The following USP34 variants were observed in gnomAD, a reference collection of about 807,000 sequenced individuals.
USP34 encodes the protein ubiquitin carboxyl-terminal hydrolase 34.
In USP34, 70 loss-of-function variants were observed where a neutral mutation model predicts 460.3. That is an observed-to-expected ratio of 0.15 (90% CI 0.13 to 0.19). The LOEUF (loss-of-function observed/expected upper bound fraction) is 0.19. USP34 is among the 10% of genes least tolerant of loss of function. USP34 has a pLI of 1.00. For synonymous variants in USP34, 1,647 were observed against 1,405.3 expected, an observed-to-expected ratio of 1.17 and a Z score of -3.85; for missense variants, 3,985 against 4,236.2, an observed-to-expected ratio of 0.94 and a Z score of 1.65.
chr2:61,210,864 TCA>T (rs1380056148), intron 69 of USP34, among the ~76,000 whole-genome samples: 30 of 152,100 alleles, frequency 2.0e-4, no homozygotes, highest in South Asian at 8.3e-4. Flanking sequence ...GTGCATGCCG[TCA>T]CACCCTAATT....
intron 3 of USP34, among the ~76,000 whole-genome samples, chr2:61,397,243 G>C (rs535738829): frequency 4.0e-5 from 6 of 150,012 alleles, no homozygotes; most frequent in Admixed American, 1.3e-4. Context: ...AAGAGTTCTA[G>C]ACCAGTCTGG....
At chr2:61,382,230 C>T (rs558152753) in intron 6 of USP34, among the ~76,000 whole-genome samples, 1 of 152,208 alleles carries the variant, frequency 6.6e-6, no homozygotes, top group Admixed American at 6.5e-5. Context: ...TGCTAAAAAC[C>T]CTTCAATAGA....
At chr2:61,281,380 G>A in intron 37 of USP34, 138 bp from the exon 38 acceptor site, 4 of 1,110,834 alleles carry the variant, frequency 3.6e-6, no homozygotes, top group Middle Eastern at 2.8e-4. Context: ...TGGAGGCCCA[G>A]GCAGGAGGAT....
chr2:61,268,024 G>A (rs1487492809), intron 41 of USP34, among the ~76,000 whole-genome samples: 2 of 152,112 alleles, frequency 1.3e-5, no homozygotes, highest in Non-Finnish European at 1.5e-5. Context: ...AAAGTGCTGG[G>A]ATTACAGATG....
intron 78 of USP34, 133 bp downstream of exon 78, chr2:61,190,138 G>A: frequency 7.7e-7 from 1 of 1,292,832 alleles, no homozygotes; most frequent in Non-Finnish European, 1.0e-6. Flanking sequence ...TTTAAAACTT[G>A]TTTTTTTGTC....
chr2:61,196,999 GC>G (rs1686829317), intron 75 of USP34, among the ~76,000 whole-genome samples: 2 of 152,314 alleles, frequency 1.3e-5, no homozygotes, highest in African/African-American at 4.8e-5. Flanking sequence ...AATAGGCCAG[GC>G]GTGGTGGCTC....
intron 33 of USP34, among the ~76,000 whole-genome samples, chr2:61,291,856 G>A (rs914239783): frequency 6.6e-6 from 1 of 152,132 alleles, no homozygotes; most frequent in African/African-American, 2.4e-5. Context: ...CTCAATTGGT[G>A]AATGGATAAA....
chr2:61,460,075 T>C (rs916636414), intron 1 of USP34, among the ~76,000 whole-genome samples: 1 of 152,082 alleles, frequency 6.6e-6, no homozygotes, highest in Non-Finnish European at 1.5e-5. Context: ...AAAAAGATAC[T>C]TGAAAACAGT....
intron 57 of USP34, among the ~76,000 whole-genome samples, chr2:61,233,389 C>T (rs1687970444): frequency 1.3e-5 from 2 of 152,010 alleles, no homozygotes; most frequent in Admixed American, 1.3e-4. Context: ...AAAAAAGTAA[C>T]TTTTATAGAT....
chr2:61,212,488 T>C (rs1558468880), intron 68 of USP34, among the ~76,000 whole-genome samples: 3 of 152,170 alleles, frequency 2.0e-5, no homozygotes, highest in Admixed American at 6.5e-5. Flanking sequence ...AGGTAAACCT[T>C]TGTTCCAACA....
At chr2:61,466,458 T>G (rs1695765024) in intron 1 of USP34, among the ~76,000 whole-genome samples, 1 of 152,042 alleles carries the variant, frequency 6.6e-6, no homozygotes, top group Non-Finnish European at 1.5e-5. Flanking sequence ...CAGTTTCAAA[T>G]AGCTAGGAGG....
At chr2:61,193,081 C>A in intron 75 of USP34, 101 bp from the exon 76 acceptor site, 1 of 886,462 alleles carries the variant, frequency 1.1e-6, no homozygotes, top group Admixed American at 2.6e-5. Context: ...CTAGTCATAA[C>A]TGCATATTTT....
chr2:61,302,820 A>T (rs116777886), intron 27 of USP34, among the ~76,000 whole-genome samples: 1,699 of 152,178 alleles, frequency 0.011, 15 homozygotes, highest in Non-Finnish European at 0.018. Flanking sequence ...CTTTTTTCAT[A>T]AAGTGCCAAT....
intron 1 of USP34, among the ~76,000 whole-genome samples, chr2:61,440,502 A>C (rs112783945): frequency 7.2e-4 from 109 of 151,834 alleles, no homozygotes; most frequent in African/African-American, 2.5e-3. Flanking sequence ...CTTCTTGAAA[A>C]AGTTGCCCTT....
At chr2:61,376,365 TCCTC>T (rs1475161214) in intron 8 of USP34, among the ~76,000 whole-genome samples, 1 of 152,216 alleles carries the variant, frequency 6.6e-6, no homozygotes, top group African/African-American at 2.4e-5. Context: ...ACTTTTGTTC[TCCTC>T]CCTATTCTCT....
rs1278806697 is a variant in USP34, at chr2:61,242,468, C to T, written c.6628-649G>A. Among the ~76,000 whole-genome samples, 9 of 140,106 alleles carry T rather than the reference C, an allele frequency of 6.4e-5. No individual in the cohort carries two copies. The East Asian group carries it at 1.6e-3, about 24-fold the overall frequency. 91.9% of individuals were successfully genotyped at this position (140,106 alleles called of 152,430 possible). ...ACCAAAGATAATACATACACACACA[C>T]ACACACACACACACACACACACACA... On this transcript the variant is annotated intron_variant, in intron 51 of 79. Coordinates refer to ENST00000398571, the MANE Select transcript of USP34 (RefSeq NM_014709.4).
intron 2 of USP34, among the ~76,000 whole-genome samples, chr2:61,414,805 T>C (rs1264590476): frequency 6.6e-6 from 1 of 152,176 alleles, no homozygotes; most frequent in Admixed American, 6.5e-5. Flanking sequence ...TTACTTGGTA[T>C]ACACCCTACC....
At chr2:61,296,254 T>C (rs1375671797) in intron 30 of USP34, among the ~76,000 whole-genome samples, 1 of 134,076 alleles carries the variant, frequency 7.5e-6, no homozygotes, top group African/African-American at 2.7e-5. Context: ...AGTTATACCT[T>C]ATCTCAAAAA....
intron 34 of USP34, 137 bp downstream of exon 34, chr2:61,288,540 C>T: frequency 1.2e-6 from 1 of 855,816 alleles, no homozygotes; most frequent in South Asian, 1.6e-5. Context: ...ATCACTACTG[C>T]TTTAAAACAA....
Sources: gnomAD v4.1 joint callset for allele counts (sites outside exome capture counted in the v4.1 genomes callset) on GRCh38, gnomAD v4.1.1 for gene constraint, MANE v1.5 for transcripts, NCBI Gene and HGNC (gene_info 2026-07-23, HGNC 2026-07-21) for gene names.